The following CELF4 variants were observed in gnomAD, a reference collection of about 807,000 sequenced individuals.
CELF4 encodes CUG-BP- and ETR-3-like factor 4.
A neutral mutation model predicts 59.9 loss-of-function variants in CELF4; 18 were observed. The observed-to-expected ratio is 0.30, with a 90% confidence interval of 0.21 to 0.45. The LOEUF (loss-of-function observed/expected upper bound fraction) is 0.45, where lower values mean the gene tolerates loss of function less well. Among genes scored for constraint, CELF4 ranks in the 20% least tolerant of loss-of-function variants. The pLI is 1.00. For missense variants in CELF4, 456 were observed against 689.0 expected (o/e 0.66, Z 3.79); for synonymous variants, 261 against 267.1 (o/e 0.98, Z 0.22).
At chr18:37,394,511 A>G (rs575829281) in intron 2 of CELF4, among the ~76,000 whole-genome samples, 41 of 152,284 alleles carry the variant, frequency 2.7e-4, no homozygotes, top group Middle Eastern at 3.4e-3. Context: ...GGCTCCCCCA[A>G]AGTGAGGCCC....
At chr18:37,439,829 T>C (rs914652718) in intron 2 of CELF4, among the ~76,000 whole-genome samples, 1 of 152,192 alleles carries the variant, frequency 6.6e-6, no homozygotes, top group Non-Finnish European at 1.5e-5. Context: ...GTCTTGCATT[T>C]CTTTGGGGAA....
chr18:37,527,614 G>T (rs2099965366), intron 1 of CELF4, among the ~76,000 whole-genome samples: 1 of 152,148 alleles, frequency 6.6e-6, no homozygotes, highest in South Asian at 2.1e-4. Flanking sequence ...GTTTCACTTG[G>T]TTTCAGTCAG....
rs1429410141 is a variant in CELF4, at chr18:37,244,038, A to G, written c.*1204T>C. 6.3e-6 allele frequency: 1 copy of G among 158,470 alleles called. No individual in the cohort carries two copies. Among genetic ancestry groups the G allele is most frequent in the African/African-American group, 2.4e-5 (1 of 41,542 alleles). 9.8% of individuals were successfully genotyped at this position (158,470 alleles called of 1,614,324 possible). A position where few individuals can be genotyped will look rare whatever the true frequency, so the allele number is the denominator to read the frequency against. ...CGGCCTGGCCCTTGGGGACAACGGCATCCGACTGCACTCGCGGGGAGAAGG... is the reference window on the plus strand; with the variant it reads ...CGGCCTGGCCCTTGGGGACAACGGCGTCCGACTGCACTCGCGGGGAGAAGG... On this transcript the variant is annotated 3_prime_UTR_variant, in exon 13 of 13. Transcript: ENST00000420428.
At position 37,284,930 on chromosome 18, in the gene CELF4, C is replaced by G. The variant is rs148277244; in HGVS notation, c.449-9687G>C. Among the ~76,000 whole-genome samples the G allele has an allele frequency of 1.6e-3, 240 of 152,328 alleles. 1 individual carries two copies. The highest frequency in any genetic ancestry group is 5.1e-3 in the African/African-American group (211 of 41,584). ...CCCAGGTGGTCTGGACCGAGCTGAG[C>G]TTTGAGGGTCTTCCTTTTCCCCCCA... On this transcript the variant is annotated intron_variant, in intron 3 of 12. Transcript: ENST00000420428.
intron 2 of CELF4, among the ~76,000 whole-genome samples, chr18:37,348,027 T>G (rs1032585286): frequency 1.3e-5 from 2 of 152,194 alleles, no homozygotes; most frequent in African/African-American, 4.8e-5. Context: ...GCCTGGTGCC[T>G]GAGGTCAGCA....
intron 2 of CELF4, among the ~76,000 whole-genome samples, chr18:37,389,273 G>A (rs747735128): frequency 6.6e-6 from 1 of 152,130 alleles, no homozygotes; most frequent in Non-Finnish European, 1.5e-5. Flanking sequence ...AAGCAGCCCA[G>A]CCCTTCCCTG....
intron 10 of CELF4, 141 bp from the exon 11 acceptor site, chr18:37,259,405 C>T (rs932981846): frequency 1.6e-6 from 1 of 612,072 alleles, no homozygotes; most frequent in African/African-American, 1.8e-5. Flanking sequence ...CATTCCAGAT[C>T]CAAGGGCGCC....
At chr18:37,456,410 A>C (rs1334894162) in intron 2 of CELF4, among the ~76,000 whole-genome samples, 1 of 152,010 alleles carries the variant, frequency 6.6e-6, no homozygotes, top group Non-Finnish European at 1.5e-5. Flanking sequence ...TTGAGGAGTG[A>C]GGCTTTGCTT....
At chr18:37,450,815 A>C (rs1448234665) in intron 2 of CELF4, among the ~76,000 whole-genome samples, 1 of 152,092 alleles carries the variant, frequency 6.6e-6, no homozygotes, top group African/African-American at 2.4e-5. Context: ...TGGGTCCAGC[A>C]TAACAATGCA....
chr18:37,519,337 G>A (rs1044236323), intron 1 of CELF4, among the ~76,000 whole-genome samples: 6 of 152,070 alleles, frequency 3.9e-5, no homozygotes, highest in African/African-American at 7.2e-5. Context: ...ACCCTTGCCC[G>A]ACTTGCTGCA....
rs186564714 is a variant in CELF4, at chr18:37,416,230, C to T, written c.369+69295G>A. 2.6e-4 allele frequency among the ~76,000 whole-genome samples: 37 copies of T among 142,942 alleles called. No homozygotes were observed. The East Asian group carries it at 7.0e-3, about 27-fold the overall frequency. The allele number at this position is 142,942 out of a possible 152,430, so 93.8% of individuals were successfully genotyped here. A position where few individuals can be genotyped will look rare whatever the true frequency, so the allele number is the denominator to read the frequency against. On this transcript the variant is annotated intron_variant, in intron 2 of 12. Transcript: ENST00000420428. ...TCCATCCACCCATCCATCCATTCATCTATCCATCCATCCATCCATCCAATA... is the reference window on the plus strand; with the variant it reads ...TCCATCCACCCATCCATCCATTCATTTATCCATCCATCCATCCATCCAATA...
At chr18:37,341,564 A>C (rs758048626) in intron 2 of CELF4, among the ~76,000 whole-genome samples, 10 of 152,312 alleles carry the variant, frequency 6.6e-5, no homozygotes, top group Admixed American at 2.0e-4. Flanking sequence ...AGGACGTTGC[A>C]GACAGTTCAC....
At chr18:37,447,941 A>G (rs1339095364) in intron 2 of CELF4, among the ~76,000 whole-genome samples, 2 of 152,154 alleles carry the variant, frequency 1.3e-5, no homozygotes, top group Non-Finnish European at 2.9e-5. Context: ...CTCCGGGGCC[A>G]TCCAGGGCTC....
intron 1 of CELF4, among the ~76,000 whole-genome samples, chr18:37,541,786 G>A (rs1017967117): frequency 1.4e-4 from 22 of 151,866 alleles, no homozygotes; most frequent in African/African-American, 5.1e-4. Context: ...GCTTTCTCCC[G>A]CCATGTCTGC....
chr18:37,426,685 C>T (rs900147857), intron 2 of CELF4, among the ~76,000 whole-genome samples: 3 of 151,670 alleles, frequency 2.0e-5, no homozygotes, highest in African/African-American at 4.8e-5. Context: ...GGGCTGGGGG[C>T]GGGGCAGCCT....
At chr18:37,443,004 C>T (rs1184616675) in intron 2 of CELF4, among the ~76,000 whole-genome samples, 3 of 152,190 alleles carry the variant, frequency 2.0e-5, no homozygotes, top group Non-Finnish European at 4.4e-5. Flanking sequence ...CTACCCATCC[C>T]TAAGCCTCCC....
chr18:37,481,906 A>T (rs1419332014), intron 2 of CELF4, among the ~76,000 whole-genome samples: 2 of 152,136 alleles, frequency 1.3e-5, no homozygotes, highest in Non-Finnish European at 1.5e-5. Context: ...GCAAACCTCG[A>T]TCTCCTCCTC....
chr18:37,510,734 C>CTTA (rs1569569709), intron 1 of CELF4, among the ~76,000 whole-genome samples: 1 of 30,060 alleles, frequency 3.3e-5, no homozygotes. Flanking sequence ...CTCCTTGGCT[C>CTTA]CTGGGCTTCC....
intron 2 of CELF4, among the ~76,000 whole-genome samples, chr18:37,338,016 A>T (rs897904445): frequency 6.8e-6 from 1 of 147,846 alleles, no homozygotes; most frequent in Non-Finnish European, 1.5e-5. Context: ...CACTGCCACC[A>T]CCACCACTGT....
Sources: allele counts gnomAD v4.1 joint callset (sites outside exome capture counted in the v4.1 genomes callset), GRCh38; gene constraint gnomAD v4.1.1; transcripts MANE v1.5; gene names NCBI Gene and HGNC (gene_info 2026-07-23, HGNC 2026-07-21).